The following SYCP2 variants were observed in gnomAD, a reference collection of about 807,000 sequenced individuals.
SYCP2 encodes the protein synaptonemal complex lateral element protein.
Under a neutral mutation model 211.3 loss-of-function variants are expected in SYCP2, and 55 were observed. That is an observed-to-expected ratio of 0.26 (90% CI 0.21 to 0.33). The LOEUF (loss-of-function observed/expected upper bound fraction) is 0.33. SYCP2 is among the 10% of genes least tolerant of loss of function. SYCP2 has a pLI of 1.00. For missense variants in SYCP2, 1,731 were observed against 1,752.0 expected, an observed-to-expected ratio of 0.99 and a Z score of 0.21; for synonymous variants, 570 against 555.2, an observed-to-expected ratio of 1.03 and a Z score of -0.37.
At chr20:59,890,544 TAATA>T (rs1259573682) in intron 24 of SYCP2, among the ~76,000 whole-genome samples, 9 of 151,842 alleles carry the variant, frequency 5.9e-5, no homozygotes, top group African/African-American at 7.3e-5. Flanking sequence ...ACTTAAAGTA[TAATA>T]AATAAATAAA....
rs2059504262 is a variant in SYCP2 at position 59,873,937 on chromosome 20, T to C, written c.3474A>G (p.Thr1158=). ...TCTCATTGTTTTTGGGTGACTTTAT[T>C]GTACCTCCAACTCCACTGTTACTAT... ...SLNSNSGVGG[T]IKSPKNNEKN... is the part of the protein sequence containing the mutation. The change falls in exon 35 of 45, where the codon ACA becomes ACG. Residue 1158 remains threonine, a synonymous_variant. Transcript: ENST00000357552. 1.2e-6 allele frequency: 2 copies of C among 1,613,294 alleles called. No individual in the cohort carries two copies. The highest frequency in any genetic ancestry group is 1.1e-5 in the South Asian group (1 of 91,012).
intron 10 of SYCP2, 147 bp from the exon 11 acceptor site, chr20:59,914,398 G>T (rs2060392179): frequency 2.3e-6 from 1 of 436,066 alleles, no homozygotes; most frequent in Non-Finnish European, 4.0e-6. Context: ...TCTTCATATG[G>T]ATTAGAAATA....
chr20:59,919,185 GA>G lies in SYCP2; in HGVS notation c.403-4del, dbSNP rs1325912491. On this transcript the variant is annotated splice_region_variant and splice_polypyrimidine_tract_variant and intron_variant, in intron 6 of 44. Coordinates refer to ENST00000357552, the MANE Select transcript of SYCP2 (RefSeq NM_014258.4). Reference sequence around the variant, plus strand: ...TCATCACTGACATCATGTATGACCTGAAAAAAAGTGAATAATATTTAATTTA... The same window carrying G: ...TCATCACTGACATCATGTATGACCTGAAAAAAGTGAATAATATTTAATTTA... The G allele has an allele frequency of 1.3e-5, 16 of 1,219,850 alleles. No homozygotes were observed. The highest frequency in any genetic ancestry group is 4.9e-5 in the East Asian group (2 of 41,064). The allele number at this position is 1,219,850 out of a possible 1,614,324, so 75.6% of individuals were successfully genotyped here. A position where few individuals can be genotyped will look rare whatever the true frequency, so the allele number is the denominator to read the frequency against.
In SYCP2 at chr20:59,886,844, A is replaced by T. The variant is rs758884991; in HGVS notation, c.2365-10T>A. The T allele has an allele frequency of 6.4e-7, 1 of 1,561,828 alleles. No homozygotes were observed. Among genetic ancestry groups the T allele is most frequent in the Non-Finnish European group, 8.6e-7 (1 of 1,162,524 alleles). On this transcript the variant is annotated splice_polypyrimidine_tract_variant and intron_variant, in intron 24 of 44. Coordinates refer to ENST00000357552, the MANE Select transcript of SYCP2 (RefSeq NM_014258.4). ...CTTTTGACTTTTCTCTCTGAAAAAA[A>T]TTGTAAGTTACTTTTAAACTCTACC...
In SYCP2 at chr20:59,880,392, A is replaced by G. The variant is rs151163205; in HGVS notation, c.2852T>C (p.Ile951Thr). 5,187 of 1,602,394 alleles carry G rather than the reference A, an allele frequency of 3.2e-3. 55 individuals carry two copies. Among genetic ancestry groups the G allele is most frequent in the South Asian group, 0.02 (1,780 of 90,016 alleles). ...EYRCDDSKTDISWLREPKSKP... is the reference protein window; with the variant it reads ...EYRCDDSKTDTSWLREPKSKP... ...TGATTTCGGTTCTCTTAGCCAGCTA[A>G]TATCAGTCTTGCTGTCATCACATCT... is the stretch of plus-strand genomic sequence containing the variant. The change falls in exon 31 of 45, where the codon ATT (isoleucine) becomes ACT (threonine). Residue 951 changes from isoleucine to threonine, a missense_variant. By Grantham distance (89) the Ile-to-Thr change is moderately conservative. Transcript: ENST00000357552.
chr20:59,869,944 T>C lies in SYCP2; in HGVS notation c.3595A>G (p.Arg1199Gly), dbSNP rs557463288. The C allele has an allele frequency of 3.1e-5, 50 of 1,604,056 alleles. No homozygotes were observed. The East Asian group carries it at 9.2e-4, about 29-fold the overall frequency. Residue 1199 changes from arginine to glycine, a missense_variant, in exon 36 of 45, where the codon AGA (arginine) becomes GGA (glycine). Around this residue, in one of 3 missense-constraint regions of SYCP2, gnomAD observed 1,387 missense variants for 1,351.3 expected, o/e 1.03. Transcript: ENST00000357552. The stretch of plus-strand genomic sequence containing the variant: ...AGTACCAGAGAACTTATTTTTTTTC[T>C]ATTTACAATAGTATTACTCTTAGTT... ...TPTKSNTIVN[R>G]KKISSLVLTQ... is the part of the protein sequence containing the mutation.
intron 20 of SYCP2, among the ~76,000 whole-genome samples, chr20:59,894,038 TTATTTA>T (rs2059960425): frequency 6.6e-6 from 1 of 152,082 alleles, no homozygotes; most frequent in Non-Finnish European, 1.5e-5. Flanking sequence ...GCTAAGTTTT[TTATTTA>T]TAACAATATC....
chr20:59,929,727 CAG>C (rs1243937519), intron 2 of SYCP2, among the ~76,000 whole-genome samples: 7 of 151,354 alleles, frequency 4.6e-5, no homozygotes. Flanking sequence ...TGTGTAACAC[CAG>C]AGGATACTTT....
chr20:59,933,068 C>T (rs893579915), intron 1 of SYCP2, among the ~76,000 whole-genome samples: 1 of 152,028 alleles, frequency 6.6e-6, no homozygotes, highest in Non-Finnish European at 1.5e-5. Flanking sequence ...CAGGCCGCAG[C>T]GCCAACCCCC....
In SYCP2 at chr20:59,915,052, A is replaced by T; in HGVS notation, c.634+113T>A. The T allele has an allele frequency of 5.5e-6, 4 of 729,910 alleles. 1 individual carries two copies. In the South Asian group the frequency reaches 7.5e-5, roughly 14 times the overall value. 45.2% of individuals were successfully genotyped at this position (729,910 alleles called of 1,614,324 possible). On this transcript the variant is annotated intron_variant, in intron 10 of 44. Transcript: ENST00000357552. ...TATTAAAAATTGCTTAATTGTACAT[A>T]ATGTTTATAATTCCCTCAGTCTCAC...
chr20:59,886,819 C>A lies in SYCP2; in HGVS notation c.2380G>T (p.Gly794Trp). ...TCTGCTACATTGGTAAATTCTTTCC[C>A]TTTTGACTTTTCTCTCTGAAAAAAA... Reference protein sequence around the residue: ...KQKKMREKSKGKEFTNVAESL... With the variant: ...KQKKMREKSKWKEFTNVAESL... Residue 794 changes from glycine to tryptophan, a missense_variant, in exon 25 of 45, where the codon GGG becomes TGG. Physicochemically the swap from Gly to Trp is radical, Grantham distance 184. This residue lies in a region of SYCP2 where 1,387 missense variants were observed against 1,351.3 expected (regional missense o/e 1.03). Transcript: ENST00000357552. 1 of 1,574,100 alleles carries A rather than the reference C, an allele frequency of 6.4e-7. No homozygotes were observed. The highest frequency in any genetic ancestry group is 2.0e-5 in the Admixed American group (1 of 50,656).
chr20:59,892,795 ATTAC>A (rs2059932516), intron 22 of SYCP2, 94 bp from the exon 23 acceptor site: 1 of 1,155,382 alleles, frequency 8.7e-7, no homozygotes, highest in African/African-American at 1.6e-5. Context: ...ACTGAAAGCG[ATTAC>A]TTATGTGAAA....
In SYCP2 at chr20:59,900,273, T is replaced by C. The variant is rs1368328945; in HGVS notation, c.1269A>G (p.Pro423=). 6.2e-7 allele frequency: 1 copy of C among 1,602,610 alleles called. No individual in the cohort carries two copies. Among genetic ancestry groups the C allele is most frequent in the Non-Finnish European group, 8.5e-7 (1 of 1,176,886 alleles). The change falls in exon 18 of 45, where the codon CCA becomes CCG. Residue 423 remains proline, a synonymous_variant. Transcript: ENST00000357552. ...FDASGSQILV[P]ESQISPVGEE... is the part of the protein sequence containing the mutation. ...CTCCGACTGGTGAGATTTGACTTTC[T>C]GGCACTAGAATCTGTTGGAGAATAT...
At chr20:59,867,111 G>GTC in intron 39 of SYCP2, among the ~76,000 whole-genome samples, 1 of 60,100 alleles carries the variant, frequency 1.7e-5, no homozygotes. Flanking sequence ...GGGGCGGGGG[G>GTC]GGGGGGGGAG....
Position 59,913,958 on chromosome 20 carries a change from T to C in SYCP2, c.830+17A>G. 1.9e-6 allele frequency: 3 copies of C among 1,582,248 alleles called. No individual in the cohort carries two copies. The highest frequency in any genetic ancestry group is 2.6e-6 in the Non-Finnish European group (3 of 1,164,866). On this transcript the variant is annotated intron_variant, in intron 12 of 44. Coordinates refer to ENST00000357552, the MANE Select transcript of SYCP2 (RefSeq NM_014258.4). ...ATTTATTTGACAGTAAATGGTTGTA[T>C]CTTGCATTAAGTTTACCTTCTTTTG... is the stretch of plus-strand genomic sequence containing the variant.
intron 13 of SYCP2, 141 bp from the exon 14 acceptor site, chr20:59,911,986 G>A (rs936673458): frequency 8.8e-6 from 4 of 452,308 alleles, no homozygotes; most frequent in African/African-American, 6.1e-5. Flanking sequence ...ATAATATTTA[G>A]ATAAATTTAA....
At chr20:59,879,822 A>AATATATATAT (rs1159547809) in intron 31 of SYCP2, among the ~76,000 whole-genome samples, 44 of 51,046 alleles carry the variant, frequency 8.6e-4, no homozygotes, top group Admixed American at 1.8e-3. Flanking sequence ...AATATAAATA[A>AATATATATAT]ATATATATAT....
At position 59,893,122 on chromosome 20, in the gene SYCP2, G is replaced by C; in HGVS notation, c.1793+20C>G. ...AGCATTAGTATAGACTAAATGATTT[G>C]ATGGTTTTCTCATACTTACATAGTA... On this transcript the variant is annotated intron_variant, in intron 22 of 44. Coordinates refer to ENST00000357552, the MANE Select transcript of SYCP2 (RefSeq NM_014258.4). 3 of 1,556,100 alleles carry C rather than the reference G, an allele frequency of 1.9e-6. No individual in the cohort carries two copies. Among genetic ancestry groups the C allele is most frequent in the Non-Finnish European group, 2.6e-6 (3 of 1,136,618 alleles).
At chr20:59,929,736 CT>C (rs887814914) in intron 2 of SYCP2, among the ~76,000 whole-genome samples, 69 of 151,346 alleles carry the variant, frequency 4.6e-4, no homozygotes, top group Non-Finnish European at 9.6e-4. Context: ...CCAGAGGATA[CT>C]TTATTAAAGA....
Sources: gnomAD v4.1 joint callset for allele counts (sites outside exome capture counted in the v4.1 genomes callset) on GRCh38, gnomAD v4.1.1 for gene constraint, gnomAD v4.1.1 regional missense constraint, MANE v1.5 for transcripts, NCBI Gene and HGNC (gene_info 2026-07-23, HGNC 2026-07-21) for gene names.